Variants in CRISPLD2 observed in about 807,000 individuals in gnomAD.
CRISPLD2 encodes the protein cysteine-rich secretory protein LCCL domain-containing 2.
Under a neutral mutation model 71.1 loss-of-function variants are expected in CRISPLD2, and 47 were observed. The observed-to-expected ratio is 0.66, with a 90% CI of 0.52 to 0.84. The LOEUF is 0.84. Ranked by LOEUF, CRISPLD2 falls within the 40% of genes least tolerant of loss-of-function variation. The pLI, the probability that CRISPLD2 is intolerant of heterozygous loss-of-function variation, is 0.00. For missense variants in CRISPLD2, 830 were observed against 651.1 expected, an observed-to-expected ratio of 1.27 and a Z score of -2.99; for synonymous variants, 317 against 250.1, an observed-to-expected ratio of 1.27 and a Z score of -2.52.
Position 84,840,492 on chromosome 16 carries a change from G to A in CRISPLD2, c.240+1757G>A, listed in dbSNP as rs1327043032. On this transcript the variant is annotated intron_variant, in intron 2 of 14. Transcript: ENST00000262424. ...ACCTGCACATAGAAGGTGCTAATAC[G>A]TATTTATTGTTTCTGTTTGTTTGTT... Among the ~76,000 whole-genome samples the A allele has an allele frequency of 2.6e-5, 4 of 152,038 alleles. No individual in the cohort carries two copies. The East Asian group carries it at 5.8e-4, about 22-fold the overall frequency.
At position 84,867,059 on chromosome 16, in the gene CRISPLD2, C is replaced by G. The variant is rs760342309; in HGVS notation, c.853+19C>G. ...TACATGAGTGAGTCTAGGCCGTCCTCCGCCCCTCCTGCCCTCCCAGCCACC... is the reference window on the plus strand; with the variant it reads ...TACATGAGTGAGTCTAGGCCGTCCTGCGCCCCTCCTGCCCTCCCAGCCACC... On this transcript the variant is annotated intron_variant, in intron 7 of 14. Transcript: ENST00000262424. 6.2e-7 allele frequency: 1 copy of G among 1,607,718 alleles called. No individual in the cohort carries two copies. Among genetic ancestry groups the G allele is most frequent in the Admixed American group, 1.7e-5 (1 of 59,864 alleles).
intron 13 of CRISPLD2, among the ~76,000 whole-genome samples, chr16:84,883,969 G>T (rs372948361): frequency 9.3e-5 from 14 of 150,498 alleles, no homozygotes; most frequent in Non-Finnish European, 1.9e-4. Context: ...CCAGCCTCCC[G>T]AGTAGCTGGG....
intron 3 of CRISPLD2, among the ~76,000 whole-genome samples, chr16:84,848,249 C>A (rs1916970086): frequency 6.6e-6 from 1 of 152,192 alleles, no homozygotes; most frequent in South Asian, 2.1e-4. Context: ...TGTGTGCACG[C>A]CTTTCTGCAA....
intron 9 of CRISPLD2, 129 bp downstream of exon 9, chr16:84,872,637 C>G (rs1432038040): frequency 2.4e-6 from 2 of 827,522 alleles, no homozygotes; most frequent in Non-Finnish European, 3.9e-6. Flanking sequence ...ATTTCTAGAA[C>G]TGGGGCGGGT....
chr16:84,854,457 G>A (rs955140071), intron 5 of CRISPLD2, among the ~76,000 whole-genome samples: 2 of 152,150 alleles, frequency 1.3e-5, no homozygotes, highest in Non-Finnish European at 2.9e-5. Flanking sequence ...GGGGGGCCAC[G>A]GGGCTGACAG....
At chr16:84,860,568 G>C (rs931748951) in intron 6 of CRISPLD2, among the ~76,000 whole-genome samples, 2 of 152,188 alleles carry the variant, frequency 1.3e-5, no homozygotes, top group African/African-American at 2.4e-5. Flanking sequence ...TATCCCCTCA[G>C]ACAAAGGTGG....
rs1285415234 is a variant in CRISPLD2, at chr16:84,906,713, C to G, written c.*71C>G. The G allele has an allele frequency of 4.5e-6, 7 of 1,540,830 alleles. No homozygotes were observed. The highest frequency in any genetic ancestry group is 1.4e-5 in the African/African-American group (1 of 73,430). ...GGTTTTGCTTTTATTTTTATTTTGTCATTGCGGGGTATATGGAGAGTCAGG... is the reference window on the plus strand; with the variant it reads ...GGTTTTGCTTTTATTTTTATTTTGTGATTGCGGGGTATATGGAGAGTCAGG... On this transcript the variant is annotated 3_prime_UTR_variant, in exon 15 of 15. Transcript: ENST00000262424.
intron 9 of CRISPLD2, 124 bp from the exon 10 acceptor site, chr16:84,872,868 G>C: frequency 8.1e-7 from 1 of 1,233,782 alleles, no homozygotes; most frequent in East Asian, 2.4e-5. Context: ...GGCAGGAGCA[G>C]AGTGAGCTTT....
Position 84,859,061 on chromosome 16 carries a change from G to A in CRISPLD2, c.709+4232G>A, listed in dbSNP as rs543870084. On this transcript the variant is annotated intron_variant, in intron 6 of 14. Coordinates refer to ENST00000262424, the MANE Select transcript of CRISPLD2 (RefSeq NM_031476.4). ...CACTAATCTCTGCAGTCCCTCCAGG[G>A]ATGCGATATTGTTTTTGATTTACTA... Among the ~76,000 whole-genome samples, 185 of 152,344 alleles carry A rather than the reference G, an allele frequency of 1.2e-3. 1 individual carries two copies. Among genetic ancestry groups the A allele is most frequent in the African/African-American group, 4.3e-3 (177 of 41,568 alleles).
chr16:84,864,270 C>A (rs557500720), intron 6 of CRISPLD2, among the ~76,000 whole-genome samples: 3 of 152,174 alleles, frequency 2.0e-5, no homozygotes, highest in Admixed American at 6.5e-5. Flanking sequence ...GCCCATCCTG[C>A]GGGTAAAGCC....
intron 1 of CRISPLD2, among the ~76,000 whole-genome samples, chr16:84,836,880 G>A (rs75684283): frequency 0.013 from 2,000 of 152,258 alleles, 43 homozygotes; most frequent in African/African-American, 0.046. Flanking sequence ...CCTGAGGCAC[G>A]GCCACCACCC....
chr16:84,886,629 C>T (rs2071616221), intron 13 of CRISPLD2, among the ~76,000 whole-genome samples: 1 of 152,156 alleles, frequency 6.6e-6, no homozygotes, highest in African/African-American at 2.4e-5. Context: ...TTGAGACCAG[C>T]CTGAGCAACA....
At chr16:84,838,794 C>G in intron 2 of CRISPLD2, 59 bp downstream of exon 2, 1 of 1,555,646 alleles carries the variant, frequency 6.4e-7, no homozygotes, top group Admixed American at 1.9e-5. Context: ...GGCCACCAGC[C>G]TGCTCTGTTC....
intron 1 of CRISPLD2, among the ~76,000 whole-genome samples, chr16:84,820,582 G>C (rs551389023): frequency 3.1e-4 from 47 of 152,300 alleles, no homozygotes; most frequent in African/African-American, 1.1e-3. Context: ...GCATTCAGCT[G>C]CAGTTTAGAG....
intron 13 of CRISPLD2, among the ~76,000 whole-genome samples, chr16:84,881,001 G>A (rs1225474651): frequency 6.6e-6 from 1 of 151,970 alleles, no homozygotes; most frequent in East Asian, 1.9e-4. Flanking sequence ...CCCCACACCC[G>A]GCCAACCTCT....
intron 2 of CRISPLD2, chr16:84,839,332 C>T (rs570453606): frequency 2.9e-4 from 71 of 248,622 alleles, no homozygotes; most frequent in Middle Eastern, 1.5e-3. Context: ...TGGGGAGGGG[C>T]CCAGGGCTGG....
intron 14 of CRISPLD2, among the ~76,000 whole-genome samples, chr16:84,890,526 T>C (rs1405771271): frequency 6.6e-6 from 1 of 152,208 alleles, no homozygotes. Flanking sequence ...GTGTGAGTCC[T>C]TTCCATCCCA....
Position 84,852,664 on chromosome 16 carries a change from T to TG in CRISPLD2, c.608+1989dup, listed in dbSNP as rs932043777. ...GTGGCTGGGAGGGTGAGTTTGGGTG[T>TG]GGGGGGGGTCAGATCCCTTGAGGGG... On this transcript the variant is annotated intron_variant, in intron 5 of 14. Transcript: ENST00000262424. Among the ~76,000 whole-genome samples the TG allele has an allele frequency of 4.0e-4, 58 of 143,864 alleles. No individual in the cohort carries two copies. The Middle Eastern group carries it at 0.011, about 27-fold the overall frequency. 94.4% of individuals were successfully genotyped at this position (143,864 alleles called of 152,430 possible).
At chr16:84,884,737 T>G (rs2071597499) in intron 13 of CRISPLD2, among the ~76,000 whole-genome samples, 1 of 152,102 alleles carries the variant, frequency 6.6e-6, no homozygotes, top group Non-Finnish European at 1.5e-5. Context: ...GGTGTGAGCT[T>G]TTCGTACTGA....
Sources: gnomAD v4.1 joint callset for allele counts (sites outside exome capture counted in the v4.1 genomes callset) on GRCh38, gnomAD v4.1.1 for gene constraint, MANE v1.5 for transcripts, NCBI Gene and HGNC (gene_info 2026-07-23, HGNC 2026-07-21) for gene names.